Variants in TET3 observed in about 807,000 individuals in gnomAD.
TET3 encodes tet methylcytosine dioxygenase 3.
In TET3, 19 loss-of-function variants were observed where a neutral mutation model predicts 141.4. That is an observed-to-expected ratio of 0.13 (90% CI 0.09 to 0.20). The LOEUF (loss-of-function observed/expected upper bound fraction) is 0.20. Ranked by LOEUF, TET3 falls within the 10% of genes least tolerant of loss-of-function variation. The pLI, the probability that TET3 is intolerant of heterozygous loss-of-function variation, is 1.00. For synonymous variants in TET3, 1,043 were observed against 980.9 expected, an observed-to-expected ratio of 1.06 and a Z score of -1.18; for missense variants, 1,874 against 2,356.9, an observed-to-expected ratio of 0.80 and a Z score of 4.24.
chr2:74,105,620 C>G lies in TET3; in HGVS notation c.*3444C>G. The G allele has an allele frequency of 2.6e-6, 1 of 378,692 alleles. No individual in the cohort carries two copies. Among genetic ancestry groups the G allele is most frequent in the Non-Finnish European group, 4.7e-6 (1 of 213,276 alleles). 23.5% of individuals were successfully genotyped at this position (378,692 alleles called of 1,614,324 possible). A position where few individuals can be genotyped will look rare whatever the true frequency, so the allele number is the denominator to read the frequency against. Reference sequence around the variant, plus strand: ...TGGTGTGCGTGGAAAGAGATGATACCCCACCGCCCCCTCTTGGTCCTTCCA... The same window carrying G: ...TGGTGTGCGTGGAAAGAGATGATACGCCACCGCCCCCTCTTGGTCCTTCCA... On this transcript the variant is annotated 3_prime_UTR_variant, in exon 12 of 12. Coordinates refer to ENST00000409262, the MANE Select transcript of TET3 (RefSeq NM_001287491.2).
chr2:74,000,350 G>A (rs1684785291), intron 2 of TET3, among the ~76,000 whole-genome samples: 1 of 152,176 alleles, frequency 6.6e-6, no homozygotes. Context: ...CCGCCCACGT[G>A]GGAGGACTGC....
the TET3 span, among the ~76,000 whole-genome samples, chr2:74,119,127 G>T: frequency 6.6e-6 from 1 of 152,020 alleles, no homozygotes. Context: ...AGGCTGAGGC[G>T]GGATCACTTG....
the TET3 span, among the ~76,000 whole-genome samples, chr2:74,119,084 G>A: frequency 1.1e-3 from 167 of 152,176 alleles, no homozygotes; most frequent in Non-Finnish European, 1.7e-3. Flanking sequence ...GGCTGGGTGC[G>A]GTGGCTCACG....
intron 3 of TET3, among the ~76,000 whole-genome samples, chr2:74,004,283 G>A (rs1488398674): frequency 6.6e-6 from 1 of 152,182 alleles, no homozygotes; most frequent in African/African-American, 2.4e-5. Context: ...TGAGCTGCAA[G>A]TGTCCCCAGA....
At chr2:74,065,648 CTCTT>C (rs1461572926) in intron 4 of TET3, among the ~76,000 whole-genome samples, 1 of 149,700 alleles carries the variant, frequency 6.7e-6, no homozygotes, top group African/African-American at 2.5e-5. Flanking sequence ...CTCTTTCTCT[CTCTT>C]CTTTTCTTTT....
At chr2:74,051,203 C>T (rs900032662) in intron 4 of TET3, among the ~76,000 whole-genome samples, 8 of 152,160 alleles carry the variant, frequency 5.3e-5, no homozygotes, top group Admixed American at 6.5e-5. Context: ...CTGCATTCCT[C>T]GGATGAGGAG....
chr2:74,086,954 A>G (rs72907198), intron 6 of TET3, among the ~76,000 whole-genome samples: 12,407 of 152,014 alleles, frequency 0.082, 1,722 homozygotes, highest in African/African-American at 0.28. Context: ...GAAACTCTGC[A>G]CCCATTAACA....
intron 3 of TET3, among the ~76,000 whole-genome samples, chr2:74,034,575 TAAAA>T (rs57991784): frequency 3.8e-5 from 5 of 130,048 alleles, no homozygotes; most frequent in African/African-American, 5.5e-5. Flanking sequence ...GAGCATTGAT[TAAAA>T]AAAAAAAAAA....
chr2:74,134,693 A>G, the TET3 span: 1 of 456,580 alleles, frequency 2.2e-6, no homozygotes, highest in Non-Finnish European at 4.4e-6. Flanking sequence ...GATGTCTGAG[A>G]AAACTGGCGA....
At chr2:74,080,124 C>T (rs1284039273) in intron 5 of TET3, among the ~76,000 whole-genome samples, 1 of 152,210 alleles carries the variant, frequency 6.6e-6, no homozygotes, top group Non-Finnish European at 1.5e-5. Context: ...TTATAAATAG[C>T]TAACTCTCAG....
In TET3 at chr2:74,061,871, G is replaced by A. The variant is rs555530276; in HGVS notation, c.2495-11678G>A. Among the ~76,000 whole-genome samples the A allele has an allele frequency of 9.7e-4, 146 of 150,064 alleles. 2 individuals are homozygous for A. The East Asian group carries it at 0.026, about 27-fold the overall frequency. ...CACTTCCTACATGGGATGGCGGCCG[G>A]GAAGAGGCGCTCCTCACTTCCTAGA... On this transcript the variant is annotated intron_variant, in intron 4 of 11. Coordinates refer to ENST00000409262, the MANE Select transcript of TET3 (RefSeq NM_001287491.2).
At position 74,047,380 on chromosome 2, in the gene TET3, C is replaced by T; in HGVS notation, c.1463C>T (p.Pro488Leu). Reference sequence around the variant, plus strand: ...CGGCCTGAGGCCCTGCCTACCAAGCCCAAGGTCAAGGTGGAGGCACCCTCT... The same window carrying T: ...CGGCCTGAGGCCCTGCCTACCAAGCTCAAGGTCAAGGTGGAGGCACCCTCT... ...FKRPEALPTKPKVKVEAPSSS... is the reference protein window; with the variant it reads ...FKRPEALPTKLKVKVEAPSSS... Residue 488 changes from proline (P) to leucine (L), a missense_variant, in exon 4 of 12, where the codon CCC (proline) becomes CTC (leucine). Physicochemically the swap from Pro to Leu is moderately conservative, Grantham distance 98. This residue lies in a region of TET3 where 484 missense variants were observed against 462.2 expected (regional missense o/e 1.05). Coordinates refer to ENST00000409262, the MANE Select transcript of TET3 (RefSeq NM_001287491.2). The T allele has an allele frequency of 3.1e-6, 5 of 1,613,848 alleles. No homozygotes were observed. Among genetic ancestry groups the T allele is most frequent in the Non-Finnish European group, 4.2e-6 (5 of 1,179,874 alleles).
the TET3 span, among the ~76,000 whole-genome samples, chr2:74,131,883 A>T: frequency 7.3e-6 from 1 of 137,044 alleles, no homozygotes; most frequent in South Asian, 2.6e-4. Flanking sequence ...TCCTCTCCCA[A>T]CTTTCCTTTT....
intron 10 of TET3, among the ~76,000 whole-genome samples, chr2:74,097,319 TAAAG>T (rs772164023): frequency 2.6e-5 from 4 of 152,012 alleles, no homozygotes; most frequent in Non-Finnish European, 4.4e-5. Flanking sequence ...TGTAACGTGA[TAAAG>T]AAATTATAAC....
At chr2:74,000,518 C>T (rs1483108267) in intron 2 of TET3, among the ~76,000 whole-genome samples, 2 of 152,106 alleles carry the variant, frequency 1.3e-5, no homozygotes, top group African/African-American at 4.8e-5. Context: ...TCTTGTACCA[C>T]ATTAGCTTGC....
chr2:74,113,026 A>AAC (rs1691742602), downstream of TET3, among the ~76,000 whole-genome samples: 1 of 116,716 alleles, frequency 8.6e-6, no homozygotes, highest in Non-Finnish European at 1.9e-5. Context: ...AAAAAAAAAA[A>AAC]AAAAAAAAAC....
At chr2:73,991,588 T>A (rs1441340497) in intron 2 of TET3, among the ~76,000 whole-genome samples, 1 of 151,884 alleles carries the variant, frequency 6.6e-6, no homozygotes, top group Non-Finnish European at 1.5e-5. Context: ...GGTTCCACAT[T>A]GGGATCACCT....
At chr2:74,124,247 C>G in the TET3 span, among the ~76,000 whole-genome samples, 1 of 150,274 alleles carries the variant, frequency 6.7e-6, no homozygotes, top group African/African-American at 2.5e-5. Context: ...GCCAGCCGCC[C>G]CGTCCGGGAG....
chr2:73,991,322 G>C (rs1045828968), intron 2 of TET3, among the ~76,000 whole-genome samples: 2 of 151,694 alleles, frequency 1.3e-5, no homozygotes, highest in South Asian at 4.2e-4. Flanking sequence ...GGTGGCTCAC[G>C]CTTGTAATCC....
Sources: gnomAD v4.1 joint callset for allele counts (sites outside exome capture counted in the v4.1 genomes callset) on GRCh38, gnomAD v4.1.1 for gene constraint, gnomAD v4.1.1 regional missense constraint, MANE v1.5 for transcripts, NCBI Gene and HGNC (gene_info 2026-07-23, HGNC 2026-07-21) for gene names.